The following KCTD1 variants were observed in gnomAD, a reference collection of about 807,000 sequenced individuals.
KCTD1 encodes the protein BTB/POZ domain-containing protein KCTD1.
In KCTD1, 24 loss-of-function variants were observed where a neutral mutation model predicts 66.0. The observed-to-expected ratio is 0.36, with a 90% confidence interval of 0.26 to 0.51. KCTD1 has a LOEUF of 0.51. KCTD1 is among the 20% of genes least tolerant of loss of function. KCTD1 has a pLI of 0.95. For missense variants in KCTD1, 943 were observed against 1,205.2 expected (o/e 0.78, Z 3.22); for synonymous variants, 511 against 517.2 (o/e 0.99, Z 0.16).
chr18:26,588,007 C>A (rs1986508681), intron 1 of KCTD1, among the ~76,000 whole-genome samples: 1 of 152,210 alleles, frequency 6.6e-6, no homozygotes, highest in South Asian at 2.1e-4. Context: ...TATGAGACAA[C>A]TGACACCAAT....
intron 1 of KCTD1, among the ~76,000 whole-genome samples, chr18:26,625,361 T>C (rs550703234): frequency 1.9e-4 from 29 of 152,268 alleles, no homozygotes; most frequent in Admixed American, 3.3e-4. Flanking sequence ...ATAATCCCCA[T>C]GTGTCATGGG....
At position 26,509,539 on chromosome 18, in the gene KCTD1, T is replaced by C. The variant is rs142435707; in HGVS notation, c.1810-8289A>G. 2.6e-5 allele frequency among the ~76,000 whole-genome samples: 4 copies of C among 152,358 alleles called. No homozygotes were observed. The East Asian group carries it at 7.7e-4, about 29-fold the overall frequency. On this transcript the variant is annotated intron_variant, in intron 1 of 4. Transcript: ENST00000580059. ...TATCGTTTCTTTGTGTTACTTATTCTTAATCTTTATGAGAAGTGGGATTAC... is the reference window on the plus strand; with the variant it reads ...TATCGTTTCTTTGTGTTACTTATTCCTAATCTTTATGAGAAGTGGGATTAC...
chr18:26,569,049 G>T (rs911397222), intron 1 of KCTD1, among the ~76,000 whole-genome samples: 5 of 151,962 alleles, frequency 3.3e-5, no homozygotes, highest in African/African-American at 1.2e-4. Context: ...TTTAACAAAA[G>T]GACTGAGCTA....
At chr18:26,655,663 C>T (rs997775402) in intron 1 of KCTD1, 4 of 152,238 alleles carry the variant, frequency 2.6e-5, no homozygotes, top group African/African-American at 9.6e-5. Flanking sequence ...ACTTTGCTAA[C>T]TTAGTTGGCT....
At position 26,499,628 on chromosome 18, in the gene KCTD1, T is replaced by C. The variant is rs192958536; in HGVS notation, c.1988+1444A>G. Among the ~76,000 whole-genome samples the C allele has an allele frequency of 2.0e-5, 3 of 152,328 alleles. No homozygotes were observed. The East Asian group carries it at 5.8e-4, about 29-fold the overall frequency. ...AAATTATCAAGTAATGGAGTGAGAT[T>C]TTAAAACAAAAAACAAAAAGTCGGC... On this transcript the variant is annotated intron_variant, in intron 2 of 4. Transcript: ENST00000580059.
intron 1 of KCTD1, among the ~76,000 whole-genome samples, chr18:26,515,383 T>C (rs1339681688): frequency 6.6e-6 from 1 of 152,196 alleles, no homozygotes; most frequent in Non-Finnish European, 1.5e-5. Flanking sequence ...ACAACCTAGT[T>C]GATTTAAAAG....
At position 26,548,203 on chromosome 18, in the gene KCTD1, C is replaced by A. The variant is rs757259999; in HGVS notation, c.334G>T (p.Gly112Trp). Residue 112 changes from glycine to tryptophan, a missense_variant, in exon 1 of 5, where the codon GGG becomes TGG. Gly to Trp is a radical substitution (Grantham distance 184, BLOSUM62 -2). This residue lies in a region of KCTD1 where 236 missense variants were observed against 206.6 expected (regional missense o/e 1.14). Transcript: ENST00000580059. ...DEPLEPEDSA[G>W]EELEPEPVHM... ...ACCGGCTCGGGCTCCAGCTCCTCCC[C>A]GGCCGAGTCCTCGGGCTCCAGGGGC... The A allele has an allele frequency of 6.6e-5, 99 of 1,506,788 alleles. 1 individual carries two copies. The Admixed American group carries it at 1.1e-3, about 16-fold the overall frequency. 93.3% of individuals were successfully genotyped at this position (1,506,788 alleles called of 1,614,324 possible). A position where few individuals can be genotyped will look rare whatever the true frequency, so the allele number is the denominator to read the frequency against.
chr18:26,469,086 C>T (rs576111508), intron 3 of KCTD1, among the ~76,000 whole-genome samples: 1 of 152,232 alleles, frequency 6.6e-6, no homozygotes, highest in East Asian at 1.9e-4. Context: ...ACACCCTGTA[C>T]TGTAATTTAC....
intron 1 of KCTD1, among the ~76,000 whole-genome samples, chr18:26,587,318 C>G (rs903777541): frequency 1.4e-4 from 22 of 152,184 alleles, no homozygotes; most frequent in African/African-American, 5.3e-4. Context: ...TTTAAGCTAC[C>G]TGTTGAGACC....
intron 2 of KCTD1, among the ~76,000 whole-genome samples, chr18:26,479,314 A>C (rs1177914502): frequency 3.9e-5 from 6 of 152,044 alleles, no homozygotes; most frequent in African/African-American, 1.4e-4. Flanking sequence ...CACAAGAGGA[A>C]ACCTAGCCAG....
chr18:26,527,740 T>G (rs1984240721), intron 1 of KCTD1, among the ~76,000 whole-genome samples: 1 of 152,230 alleles, frequency 6.6e-6, no homozygotes, highest in Non-Finnish European at 1.5e-5. Context: ...TGGTAAATTG[T>G]GCCTTTTTGG....
intron 1 of KCTD1, chr18:26,599,526 G>T: frequency 2.6e-6 from 4 of 1,550,252 alleles, no homozygotes; most frequent in Non-Finnish European, 3.6e-6. Context: ...AATGAGGGCC[G>T]TGGGTCTGTG....
rs189757098 is a variant in KCTD1 at position 26,496,058 on chromosome 18, A to G, written c.1988+5014T>C. On this transcript the variant is annotated intron_variant, in intron 2 of 4. Transcript: ENST00000580059. The stretch of plus-strand genomic sequence containing the variant: ...TTTCAGTGTCAACAGTAGATCTTAA[A>G]GAAGCCATATAATATGGTACCAATA... Among the ~76,000 whole-genome samples, 261 of 152,334 alleles carry G rather than the reference A, an allele frequency of 1.7e-3. 1 individual carries two copies. Among genetic ancestry groups the G allele is most frequent in the African/African-American group, 6.0e-3 (250 of 41,578 alleles).
At chr18:26,656,762 C>G (rs1568023295) in intron 1 of KCTD1, among the ~76,000 whole-genome samples, 2 of 151,122 alleles carry the variant, frequency 1.3e-5, no homozygotes, top group South Asian at 4.2e-4. Context: ...GCGCCGCCGC[C>G]CCCTGCGCGC....
intron 1 of KCTD1, among the ~76,000 whole-genome samples, chr18:26,592,186 C>G (rs770100295): frequency 6.6e-6 from 1 of 152,124 alleles, no homozygotes; most frequent in Non-Finnish European, 1.5e-5. Context: ...GTAGAATTGT[C>G]TAATTCTTAA....
At chr18:26,522,589 T>C (rs959339595) in intron 1 of KCTD1, among the ~76,000 whole-genome samples, 3 of 152,160 alleles carry the variant, frequency 2.0e-5, no homozygotes, top group African/African-American at 4.8e-5. Flanking sequence ...TCCAGCTACA[T>C]AGGATTAGAC....
At chr18:26,555,860 A>C (rs1406032517) in intron 1 of KCTD1, among the ~76,000 whole-genome samples, 2 of 152,210 alleles carry the variant, frequency 1.3e-5, no homozygotes, top group Non-Finnish European at 2.9e-5. Context: ...AAACAAGATA[A>C]ATTTTAAAGC....
chr18:26,652,193 T>C (rs184548155), intron 1 of KCTD1, among the ~76,000 whole-genome samples: 130 of 152,298 alleles, frequency 8.5e-4, no homozygotes, highest in Non-Finnish European at 1.1e-3. Flanking sequence ...CAGTTGGACA[T>C]ACTCTTATTT....
At chr18:26,624,182 T>G (rs944085527) in intron 1 of KCTD1, among the ~76,000 whole-genome samples, 3 of 152,106 alleles carry the variant, frequency 2.0e-5, no homozygotes, top group Non-Finnish European at 4.4e-5. Flanking sequence ...GTTTGGAAAA[T>G]TTGCAGCCTA....
Sources: gnomAD v4.1 joint callset for allele counts (sites outside exome capture counted in the v4.1 genomes callset) on GRCh38, gnomAD v4.1.1 for gene constraint, gnomAD v4.1.1 regional missense constraint, MANE v1.5 for transcripts, NCBI Gene and HGNC (gene_info 2026-07-23, HGNC 2026-07-21) for gene names.